The following TNFRSF19 variants were observed in gnomAD, a reference collection of about 807,000 sequenced individuals.
The protein encoded by TNFRSF19 is tumor necrosis factor receptor superfamily member 19.
In TNFRSF19, 27 loss-of-function variants were observed where a neutral mutation model predicts 46.4. That is an observed-to-expected ratio of 0.58 (90% CI 0.43 to 0.80). The LOEUF (loss-of-function observed/expected upper bound fraction) is 0.80, where lower values mean the gene tolerates loss of function less well. Ranked by LOEUF, TNFRSF19 falls within the 30% of genes least tolerant of loss-of-function variation. The probability of loss-of-function intolerance (pLI) is 0.00; values close to 1 mark genes in which losing one functional copy is unlikely to be tolerated. For missense variants in TNFRSF19, 511 were observed against 530.8 expected (o/e 0.96, Z 0.37); for synonymous variants, 204 against 205.0 (o/e 1.00, Z 0.04).
At chr13:23,632,853 G>A (rs551368156) in intron 5 of TNFRSF19, among the ~76,000 whole-genome samples, 1 of 152,250 alleles carries the variant, frequency 6.6e-6, no homozygotes, top group South Asian at 2.1e-4. Flanking sequence ...GAAGCTAATC[G>A]AGGCAGAGAT....
rs1877578120 is a variant in TNFRSF19 at position 23,570,551 on chromosome 13, A to G, written c.-332A>G. Reference sequence around the variant, plus strand: ...AAAGAGGAGGAAAACAACGTGATCCATGTTTAACAAAAGAGTCTGTGGACT... The same window carrying G: ...AAAGAGGAGGAAAACAACGTGATCCGTGTTTAACAAAAGAGTCTGTGGACT... On this transcript the variant is annotated 5_prime_UTR_variant, in exon 1 of 10. It removes an upstream start codon present in the reference 5' UTR. Coordinates refer to ENST00000248484, the MANE Select transcript of TNFRSF19 (RefSeq NM_148957.4). 4 of 152,274 alleles carry G rather than the reference A, an allele frequency of 2.6e-5. No homozygotes were observed. The highest frequency in any genetic ancestry group is 2.6e-4 in the Admixed American group (4 of 15,286). 9.4% of individuals were successfully genotyped at this position (152,274 alleles called of 1,614,324 possible).
chr13:23,581,127 C>CTTTCT (rs1878384582), intron 1 of TNFRSF19, among the ~76,000 whole-genome samples: 1 of 123,246 alleles, frequency 8.1e-6, no homozygotes. Context: ...TTCTTTTTTT[C>CTTTCT]TTTTCTTTTT....
intron 5 of TNFRSF19, among the ~76,000 whole-genome samples, chr13:23,637,156 G>C (rs1820825911): frequency 6.6e-6 from 1 of 152,004 alleles, no homozygotes; most frequent in South Asian, 2.1e-4. Flanking sequence ...ATGATTTTAG[G>C]CCCGGGGGAC....
chr13:23,647,183 CCT>C (rs1294508165), intron 5 of TNFRSF19, among the ~76,000 whole-genome samples: 28 of 152,066 alleles, frequency 1.8e-4, no homozygotes, highest in African/African-American at 6.8e-4. Context: ...GATATTAAAT[CCT>C]TACCAGATGT....
At chr13:23,614,012 C>G (rs1431078283) in intron 3 of TNFRSF19, among the ~76,000 whole-genome samples, 1 of 152,224 alleles carries the variant, frequency 6.6e-6, no homozygotes, top group Non-Finnish European at 1.5e-5. Context: ...TAATCTTCCC[C>G]TCCTCTGAAA....
intron 5 of TNFRSF19, among the ~76,000 whole-genome samples, chr13:23,645,977 G>A (rs755156674): frequency 2.0e-5 from 3 of 152,120 alleles, no homozygotes; most frequent in Non-Finnish European, 4.4e-5. Context: ...CTAAAACCTA[G>A]GTGTGTTCTT....
intron 7 of TNFRSF19, among the ~76,000 whole-genome samples, chr13:23,666,917 T>C (rs1272288425): frequency 6.6e-6 from 1 of 152,186 alleles, no homozygotes; most frequent in Non-Finnish European, 1.5e-5. Flanking sequence ...TCATAATTTT[T>C]TTCCTGTTTA....
chr13:23,658,475 AC>A (rs1884128406), intron 5 of TNFRSF19, among the ~76,000 whole-genome samples: 1 of 152,142 alleles, frequency 6.6e-6, no homozygotes, highest in Non-Finnish European at 1.5e-5. Context: ...TAGTGTAATA[AC>A]AGTATTAGTC....
chr13:23,574,598 G>A (rs1877842529), intron 1 of TNFRSF19, among the ~76,000 whole-genome samples: 1 of 152,022 alleles, frequency 6.6e-6, no homozygotes, highest in African/African-American at 2.4e-5. Flanking sequence ...GGAGTGAACT[G>A]AACTCAACCA....
chr13:23,603,359 C>T (rs1407366702), intron 3 of TNFRSF19, among the ~76,000 whole-genome samples: 1 of 151,864 alleles, frequency 6.6e-6, no homozygotes, highest in Non-Finnish European at 1.5e-5. Context: ...ACAGAGAGCA[C>T]CAAGTTAAAG....
intron 2 of TNFRSF19, among the ~76,000 whole-genome samples, chr13:23,591,167 G>T (rs1051887279): frequency 7.2e-5 from 11 of 152,058 alleles, no homozygotes; most frequent in African/African-American, 2.7e-4. Flanking sequence ...GAAAGACAAG[G>T]TTAGGCTGGA....
At chr13:23,670,505 T>C (rs923050749) in intron 9 of TNFRSF19, among the ~76,000 whole-genome samples, 1 of 152,204 alleles carries the variant, frequency 6.6e-6, no homozygotes, top group African/African-American at 2.4e-5. Context: ...AGTATCTACC[T>C]CTGAGCTCTG....
chr13:23,648,735 A>G (rs7337535), intron 5 of TNFRSF19, among the ~76,000 whole-genome samples: 2,248 of 152,278 alleles, frequency 0.015, 58 homozygotes, highest in African/African-American at 0.052. Flanking sequence ...TTTTTCATAT[A>G]TGACCTTTGT....
intron 3 of TNFRSF19, among the ~76,000 whole-genome samples, chr13:23,611,148 A>ACG (rs1392177871): frequency 1.3e-5 from 2 of 148,620 alleles, no homozygotes; most frequent in Non-Finnish European, 3.0e-5. Context: ...ACACACACAC[A>ACG]CACTCCTTCT....
intron 3 of TNFRSF19, among the ~76,000 whole-genome samples, chr13:23,604,792 T>G (rs961534935): frequency 6.6e-6 from 1 of 151,980 alleles, no homozygotes; most frequent in East Asian, 1.9e-4. Flanking sequence ...CAACTTGACA[T>G]CCACATGCAA....
intron 5 of TNFRSF19, among the ~76,000 whole-genome samples, chr13:23,657,005 G>A (rs1319892992): frequency 2.0e-5 from 3 of 152,144 alleles, no homozygotes; most frequent in African/African-American, 4.8e-5. Flanking sequence ...AACATTTAGT[G>A]TGTGCCGTTT....
rs1308325506 is a variant in TNFRSF19, at chr13:23,637,043, TGTTG to T, written c.445+10252_445+10255del. Among the ~76,000 whole-genome samples the T allele has an allele frequency of 4.7e-5, 4 of 85,616 alleles. No individual in the cohort carries two copies. The South Asian group carries it at 1.2e-3, about 25-fold the overall frequency. The allele number at this position is 85,616 out of a possible 152,430, so 56.2% of individuals were successfully genotyped here. On this transcript the variant is annotated intron_variant, in intron 5 of 9. Transcript: ENST00000248484. Reference sequence around the variant, plus strand: ...TCAGATAGTCAAGGAAAATTAGAGTTGTTGTTTTTTTTCCTAAACCCAAGTGAAA... The same window carrying T: ...TCAGATAGTCAAGGAAAATTAGAGTTTTTTTTTTCCTAAACCCAAGTGAAA...
At chr13:23,655,537 G>A (rs1223838546) in intron 5 of TNFRSF19, among the ~76,000 whole-genome samples, 1 of 152,182 alleles carries the variant, frequency 6.6e-6, no homozygotes, top group Non-Finnish European at 1.5e-5. Flanking sequence ...CATTCAGTCT[G>A]CTTAGTGAAC....
At chr13:23,628,305 C>G (rs1209994497) in intron 5 of TNFRSF19, among the ~76,000 whole-genome samples, 1 of 152,198 alleles carries the variant, frequency 6.6e-6, no homozygotes, top group East Asian at 1.9e-4. Flanking sequence ...ATATTAATCA[C>G]TTAAAGAAAA....
Sources: gnomAD v4.1 joint callset for allele counts (sites outside exome capture counted in the v4.1 genomes callset) on GRCh38, gnomAD v4.1.1 for gene constraint, MANE v1.5 for transcripts, NCBI Gene and HGNC (gene_info 2026-07-23, HGNC 2026-07-21) for gene names.